RNF182: variants seen among roughly 807,000 people sequenced by gnomAD.
RNF182 encodes the protein ring finger protein 182, also known as E3 ubiquitin-protein ligase RNF182.
Under a neutral mutation model 14.4 loss-of-function variants are expected in RNF182, and 15 were observed. The observed-to-expected ratio is 1.04, with a 90% CI of 0.70 to 1.60. The LOEUF (loss-of-function observed/expected upper bound fraction) is 1.60. Among genes scored for constraint, RNF182 ranks in the 40% most tolerant of loss-of-function variants. RNF182 has a pLI of 0.00. For synonymous variants in RNF182, 128 were observed against 122.9 expected, an observed-to-expected ratio of 1.04 and a Z score of -0.27; for missense variants, 268 against 294.8, an observed-to-expected ratio of 0.91 and a Z score of 0.67.
At chr6:13,926,570 T>A (rs1467712508) in intron 1 of RNF182, among the ~76,000 whole-genome samples, 1 of 152,218 alleles carries the variant, frequency 6.6e-6, no homozygotes, top group Non-Finnish European at 1.5e-5. Flanking sequence ...GATTCACAGA[T>A]GCTCTGCTAA....
chr6:13,950,656 A>T (rs1215142516), intron 1 of RNF182, among the ~76,000 whole-genome samples: 1 of 151,090 alleles, frequency 6.6e-6, no homozygotes. Flanking sequence ...ACCACCACAC[A>T]TGGCTAATTT....
chr6:13,977,323 G>C lies in RNF182; in HGVS notation c.204G>C (p.Arg68Ser). 1 of 1,614,212 alleles carries C rather than the reference G, an allele frequency of 6.2e-7. No individual in the cohort carries two copies. Among genetic ancestry groups the C allele is most frequent in the Non-Finnish European group, 8.5e-7 (1 of 1,180,034 alleles). ...PQGVIVCPFC[R>S]FETCLPDDEV... ...GTGTCATTGTCTGTCCTTTCTGCAG[G>C]TTTGAGACGTGCCTGCCAGATGATG... Residue 68 changes from arginine (R) to serine (S), a missense_variant, in exon 3 of 3, where the codon AGG (arginine) becomes AGC (serine). By Grantham distance (110) the Arg-to-Ser change is moderately radical. Coordinates refer to ENST00000488300, the MANE Select transcript of RNF182 (RefSeq NM_152737.4).
In RNF182 at chr6:13,979,692, GT is replaced by G. The variant is rs1235884162; in HGVS notation, c.*1836del. On this transcript the variant is annotated 3_prime_UTR_variant, in exon 3 of 3. Transcript: ENST00000488300. The stretch of plus-strand genomic sequence containing the variant: ...TGGTTTGGATTTATATATTTGTAAG[GT>G]TTTTTTAAAAAAATGTTCGTTTTGT... 6.0e-6 allele frequency: 1 copy of G among 166,570 alleles called. No homozygotes were observed. Among genetic ancestry groups the G allele is most frequent in the South Asian group, 2.1e-4 (1 of 4,822 alleles). The allele number at this position is 166,570 out of a possible 1,614,324, so 10.3% of individuals were successfully genotyped here.
chr6:13,926,344 G>A (rs1283660415), intron 1 of RNF182, among the ~76,000 whole-genome samples: 3 of 152,198 alleles, frequency 2.0e-5, no homozygotes, highest in Non-Finnish European at 4.4e-5. Context: ...GGCAAAGAGT[G>A]ATTATTTAAT....
At chr6:13,931,071 G>C (rs1758957133) in intron 1 of RNF182, among the ~76,000 whole-genome samples, 1 of 152,182 alleles carries the variant, frequency 6.6e-6, no homozygotes, top group Non-Finnish European at 1.5e-5. Context: ...GGCTGAGAAG[G>C]AGGAGGTAGT....
chr6:13,931,712 C>G (rs1758974805), intron 1 of RNF182, among the ~76,000 whole-genome samples: 1 of 151,744 alleles, frequency 6.6e-6, no homozygotes, highest in Non-Finnish European at 1.5e-5. Flanking sequence ...TGAATACTGC[C>G]TCTGCCACCT....
chr6:13,940,553 G>A (rs1356194581), intron 1 of RNF182, among the ~76,000 whole-genome samples: 1 of 151,796 alleles, frequency 6.6e-6, no homozygotes, highest in Non-Finnish European at 1.5e-5. Flanking sequence ...TTTTATCAGT[G>A]AACTTATTTT....
At chr6:13,945,951 C>T (rs1759428303) in intron 1 of RNF182, among the ~76,000 whole-genome samples, 1 of 151,942 alleles carries the variant, frequency 6.6e-6, no homozygotes, top group Non-Finnish European at 1.5e-5. Flanking sequence ...GGTGGCTATT[C>T]CATAGAGAGA....
chr6:13,938,200 G>T (rs1372239171), intron 1 of RNF182, among the ~76,000 whole-genome samples: 59 of 91,694 alleles, frequency 6.4e-4, no homozygotes, highest in Non-Finnish European at 9.7e-4. Flanking sequence ...TTTTTTTTTA[G>T]TAGAGACGGG....
intron 1 of RNF182, among the ~76,000 whole-genome samples, chr6:13,960,692 T>TGTGTGTGTGTGTGTGTGCGCGC (rs367625022): frequency 7.3e-6 from 1 of 137,694 alleles, no homozygotes; most frequent in African/African-American, 2.5e-5. Context: ...TGTGTGTGTG[T>TGTGTGTGTGTGTGTGTGCGCGC]GCGCGCGTGC....
chr6:13,928,621 A>G (rs1332490961), intron 1 of RNF182, among the ~76,000 whole-genome samples: 7 of 152,150 alleles, frequency 4.6e-5, no homozygotes, highest in African/African-American at 1.4e-4. Flanking sequence ...TAATCTTTAT[A>G]TTTTGCATTT....
chr6:13,949,890 A>G (rs913323866), intron 1 of RNF182, among the ~76,000 whole-genome samples: 2 of 152,198 alleles, frequency 1.3e-5, no homozygotes, highest in African/African-American at 4.8e-5. Flanking sequence ...CCAGTATTCA[A>G]TTTATGGAAA....
intron 1 of RNF182, among the ~76,000 whole-genome samples, chr6:13,968,815 C>A (rs144233831): frequency 6.6e-6 from 1 of 152,086 alleles, no homozygotes. Flanking sequence ...CATGTGTGCA[C>A]GTGTGCAAAT....
chr6:13,947,476 G>A (rs992665038), intron 1 of RNF182, among the ~76,000 whole-genome samples: 7 of 152,192 alleles, frequency 4.6e-5, no homozygotes, highest in Non-Finnish European at 8.8e-5. Flanking sequence ...TTTGTATAAA[G>A]TGAAGCAAGA....
At chr6:13,975,722 A>G (rs1472599144) in intron 2 of RNF182, among the ~76,000 whole-genome samples, 1 of 152,244 alleles carries the variant, frequency 6.6e-6, no homozygotes, top group East Asian at 1.9e-4. Flanking sequence ...TAGCAAATTT[A>G]AATGTCTAGC....
intron 1 of RNF182, among the ~76,000 whole-genome samples, chr6:13,944,285 T>C (rs1055425854): frequency 3.9e-5 from 6 of 152,182 alleles, no homozygotes; most frequent in Non-Finnish European, 7.4e-5. Flanking sequence ...GTAAGTTATT[T>C]TGGCTTAAGA....
chr6:13,932,700 C>T (rs955035405), intron 1 of RNF182, among the ~76,000 whole-genome samples: 2 of 152,134 alleles, frequency 1.3e-5, no homozygotes, highest in Admixed American at 6.5e-5. Flanking sequence ...ATCTATTACA[C>T]ATTTTGAACT....
At chr6:13,926,870 G>A (rs1758844244) in intron 1 of RNF182, among the ~76,000 whole-genome samples, 1 of 151,912 alleles carries the variant, frequency 6.6e-6, no homozygotes, top group Non-Finnish European at 1.5e-5. Context: ...CAAGTTCAAG[G>A]ACTTGGTCCG....
chr6:13,940,577 T>C lies in RNF182; in HGVS notation c.-367+15554T>C, dbSNP rs577329260. The stretch of plus-strand genomic sequence containing the variant: ...TGAACTTATTTTGACTTTTTTTTGC[T>C]ATTGTATGCTTATTTTCTAATTTAT... On this transcript the variant is annotated intron_variant, in intron 1 of 2. Coordinates refer to ENST00000488300, the MANE Select transcript of RNF182 (RefSeq NM_152737.4). Among the ~76,000 whole-genome samples, 6 of 152,258 alleles carry C rather than the reference T, an allele frequency of 3.9e-5. No individual in the cohort carries two copies. The East Asian group carries it at 1.2e-3, about 29-fold the overall frequency.
Sources: allele counts gnomAD v4.1 joint callset (sites outside exome capture counted in the v4.1 genomes callset), GRCh38; gene constraint gnomAD v4.1.1; transcripts MANE v1.5; gene names NCBI Gene and HGNC (gene_info 2026-07-23, HGNC 2026-07-21).